TUB: variants seen among roughly 807,000 people sequenced by gnomAD.
TUB encodes the protein TUB bipartite transcription factor, also known as tubby protein homolog.
A neutral mutation model predicts 59.7 loss-of-function variants in TUB; 33 were observed. That is an observed-to-expected ratio of 0.55 (90% CI 0.42 to 0.74). The LOEUF (loss-of-function observed/expected upper bound fraction) is 0.74, where lower values mean the gene tolerates loss of function less well. Among genes scored for constraint, TUB ranks in the 30% least tolerant of loss-of-function variants. The pLI is 0.00. For missense variants in TUB, 659 were observed against 672.0 expected (o/e 0.98, Z 0.21); for synonymous variants, 293 against 256.4 (o/e 1.14, Z -1.36).
At chr11:8,023,512 T>A (rs538517233) in intron 1 of TUB, among the ~76,000 whole-genome samples, 1 of 152,214 alleles carries the variant, frequency 6.6e-6, no homozygotes, top group Non-Finnish European at 1.5e-5. Flanking sequence ...ACGCAATGCT[T>A]CTAACACAGA....
chr11:8,093,888 G>A (rs56046301), intron 3 of TUB, among the ~76,000 whole-genome samples, 158 bp from the exon 4 acceptor site: 9,641 of 152,242 alleles, frequency 0.063, 389 homozygotes, highest in African/African-American at 0.11. Context: ...GTAGAGATGA[G>A]TGGGCCTGAT....
chr11:8,087,223 G>A (rs377028659), intron 1 of TUB, among the ~76,000 whole-genome samples: 1 of 152,222 alleles, frequency 6.6e-6, no homozygotes, highest in South Asian at 2.1e-4. Flanking sequence ...AGGTGGCATT[G>A]CTGATGTGAG....
chr11:8,078,637 C>T (rs1943489036), upstream of TUB, among the ~76,000 whole-genome samples: 1 of 152,128 alleles, frequency 6.6e-6, no homozygotes, highest in East Asian at 1.9e-4. Context: ...GAAGCACACA[C>T]GTCATTCTCC....
At chr11:8,019,255 C>T (rs769547916) in exon 1 of TUB, 63 of 1,241,300 alleles carry the variant, frequency 5.1e-5, no homozygotes, top group Non-Finnish European at 6.1e-5. Flanking sequence ...AGCCCCAAGC[C>T]CAGCGCCGCC....
At chr11:8,060,780 G>C (rs145548386) in intron 2 of TUB, among the ~76,000 whole-genome samples, 1 of 152,304 alleles carries the variant, frequency 6.6e-6, no homozygotes, top group African/African-American at 2.4e-5. Context: ...CCCTTATACT[G>C]TTGTACGTAT....
chr11:8,101,367 T>C (rs1590001658), intron 11 of TUB, 119 bp from the exon 12 acceptor site: 1 of 1,310,908 alleles, frequency 7.6e-7, no homozygotes, highest in Non-Finnish European at 1.1e-6. Context: ...GTGATTCCCC[T>C]GGCATCTCTG....
chr11:8,052,452 G>C (rs1272854797), intron 2 of TUB, among the ~76,000 whole-genome samples: 1 of 145,170 alleles, frequency 6.9e-6, no homozygotes, highest in Admixed American at 6.9e-5. Context: ...TCTATTGCTT[G>C]TGTGAATAGG....
chr11:8,050,548 C>T (rs1942917654), intron 2 of TUB, among the ~76,000 whole-genome samples: 2 of 152,168 alleles, frequency 1.3e-5, no homozygotes, highest in African/African-American at 2.4e-5. Context: ...TTTTACTTTA[C>T]ATTTTCCTGG....
intron 2 of TUB, among the ~76,000 whole-genome samples, chr11:8,051,745 A>G (rs1325090447): frequency 6.6e-6 from 1 of 152,214 alleles, no homozygotes; most frequent in East Asian, 1.9e-4. Flanking sequence ...CATGCTTAGA[A>G]AAGCTCCCCC....
chr11:8,050,388 A>T (rs1375815857), intron 2 of TUB, among the ~76,000 whole-genome samples: 1 of 152,212 alleles, frequency 6.6e-6, no homozygotes, highest in East Asian at 1.9e-4. Flanking sequence ...ATTCTAGTGG[A>T]TGCTGCCAAA....
At chr11:8,095,715 C>G in intron 5 of TUB, 50 bp downstream of exon 5, 5 of 1,531,632 alleles carry the variant, frequency 3.3e-6, no homozygotes, top group Non-Finnish European at 4.4e-6. Flanking sequence ...GTCCCAGGTT[C>G]TCAGATGCAC....
chr11:8,100,792 C>T (rs1208503807), intron 10 of TUB, 34 bp from the exon 11 acceptor site: 1 of 1,610,360 alleles, frequency 6.2e-7, no homozygotes. Context: ...GTGCCAAAGG[C>T]CTGGGCCTGG....
chr11:8,080,859 C>T (rs554153111), upstream of TUB, among the ~76,000 whole-genome samples: 17 of 152,334 alleles, frequency 1.1e-4, no homozygotes, highest in African/African-American at 3.4e-4. Flanking sequence ...GACTGGATTC[C>T]TTCTCCATCC....
At chr11:8,091,843 G>A (rs1313664921) in intron 3 of TUB, among the ~76,000 whole-genome samples, 1 of 152,202 alleles carries the variant, frequency 6.6e-6, no homozygotes, top group Admixed American at 6.5e-5. Flanking sequence ...AAGGGTGGTA[G>A]TGGTACCCTG....
intron 2 of TUB, among the ~76,000 whole-genome samples, chr11:8,054,501 T>C (rs1320460876): frequency 6.6e-6 from 1 of 152,126 alleles, no homozygotes; most frequent in African/African-American, 2.4e-5. Context: ...TAGGGAACAG[T>C]TGTGGGCCCA....
chr11:8,040,033 G>GAA, intron 2 of TUB, among the ~76,000 whole-genome samples: 1 of 152,178 alleles, frequency 6.6e-6, no homozygotes, highest in African/African-American at 2.4e-5. Flanking sequence ...TCAGAAAGGA[G>GAA]GTGTCCTCTA....
At chr11:8,020,829 A>G (rs777891159) in intron 1 of TUB, among the ~76,000 whole-genome samples, 5 of 152,204 alleles carry the variant, frequency 3.3e-5, no homozygotes, top group Non-Finnish European at 5.9e-5. Flanking sequence ...TTCAGATCCC[A>G]AATTCACACA....
At position 8,104,463 on chromosome 11, in the gene TUB, G is replaced by A. The variant is rs978969605; in HGVS notation, c.*2844G>A. The A allele has an allele frequency of 6.6e-6, 1 of 152,216 alleles. No homozygotes were observed. 9.4% of individuals were successfully genotyped at this position (152,216 alleles called of 1,614,324 possible). A position where few individuals can be genotyped will look rare whatever the true frequency, so the allele number is the denominator to read the frequency against. On this transcript the variant is annotated 3_prime_UTR_variant, in exon 12 of 12. Transcript: ENST00000299506. ...CTGTGCGTCTGTGTGTTTATTTGGG[G>A]AAAAGGGCAATCAGCAATCAACTGA... is the stretch of plus-strand genomic sequence containing the variant.
At chr11:8,085,337 C>T (rs1261410289) in intron 1 of TUB, among the ~76,000 whole-genome samples, 3 of 152,206 alleles carry the variant, frequency 2.0e-5, no homozygotes, top group African/African-American at 7.2e-5. Flanking sequence ...AGGGCTTAGT[C>T]CCGCCAGCAG....
Sources: gnomAD v4.1 joint callset for allele counts (sites outside exome capture counted in the v4.1 genomes callset) on GRCh38, gnomAD v4.1.1 for gene constraint, MANE v1.5 for transcripts, NCBI Gene and HGNC (gene_info 2026-07-23, HGNC 2026-07-21) for gene names.